Variants in TP63 observed in about 807,000 individuals in gnomAD.
The protein encoded by TP63 is tumor protein 63.
TP63 carries 17 observed loss-of-function variants against 82.8 expected under a neutral mutation model. The observed-to-expected ratio is 0.21, with a 90% CI of 0.14 to 0.31. The LOEUF (loss-of-function observed/expected upper bound fraction) is 0.31. TP63 is among the 10% of genes least tolerant of loss of function. TP63 has a pLI of 1.00. For synonymous variants in TP63, 330 were observed against 321.7 expected (o/e 1.03, Z -0.28); for missense variants, 648 against 895.3 (o/e 0.72, Z 3.52).
At chr3:189,715,637 C>A (rs1718906331) in intron 1 of TP63, among the ~76,000 whole-genome samples, 1 of 152,104 alleles carries the variant, frequency 6.6e-6, no homozygotes, top group African/African-American at 2.4e-5. Flanking sequence ...TGGGACATAG[C>A]CACCATGGTA....
At chr3:189,681,681 C>T (rs1456833772) in intron 1 of TP63, among the ~76,000 whole-genome samples, 1 of 152,142 alleles carries the variant, frequency 6.6e-6, no homozygotes, top group African/African-American at 2.4e-5. Context: ...TTCTCTTCTT[C>T]CTCCTCCTCC....
chr3:189,835,354 C>A (rs998962547), intron 4 of TP63, among the ~76,000 whole-genome samples: 1 of 152,172 alleles, frequency 6.6e-6, no homozygotes, highest in Non-Finnish European at 1.5e-5. Context: ...AATTTCCTCT[C>A]TTTGGTTCTC....
At chr3:189,828,063 A>G (rs1288704801) in intron 4 of TP63, among the ~76,000 whole-genome samples, 4 of 152,128 alleles carry the variant, frequency 2.6e-5, no homozygotes, top group Non-Finnish European at 4.4e-5. Flanking sequence ...TGATATGATG[A>G]AACCCTTTCT....
intron 3 of TP63, among the ~76,000 whole-genome samples, chr3:189,750,334 G>A (rs1721713862): frequency 6.6e-6 from 1 of 152,044 alleles, no homozygotes; most frequent in Non-Finnish European, 1.5e-5. Flanking sequence ...GTTGGAAAGG[G>A]GTGATGAAAA....
rs148602724 is a variant in TP63 at position 189,855,748 on chromosome 3, C to T, written c.580-8484C>T. ...TATGTGTGTGTGTATGCACAGAAAA[C>T]GGTCAACAATGTTAATAATGGTATG... On this transcript the variant is annotated intron_variant, in intron 4 of 13. Coordinates refer to ENST00000264731, the MANE Select transcript of TP63 (RefSeq NM_003722.5). Among the ~76,000 whole-genome samples the T allele has an allele frequency of 1.1e-4, 16 of 151,878 alleles. No homozygotes were observed. The East Asian group carries it at 1.5e-3, about 15-fold the overall frequency.
chr3:189,749,383 G>A (rs937265472), intron 3 of TP63, among the ~76,000 whole-genome samples: 1 of 151,914 alleles, frequency 6.6e-6, no homozygotes, highest in Non-Finnish European at 1.5e-5. Context: ...GACATCAAAA[G>A]ATATGAAAAG....
the TP63 span, among the ~76,000 whole-genome samples, chr3:189,623,908 A>C: frequency 6.6e-6 from 1 of 152,214 alleles, no homozygotes; most frequent in Admixed American, 6.5e-5. Context: ...AACAACAGTC[A>C]AAGCTATTAT....
At chr3:189,715,647 A>G (rs892362071) in intron 1 of TP63, among the ~76,000 whole-genome samples, 1 of 152,214 alleles carries the variant, frequency 6.6e-6, no homozygotes, top group Non-Finnish European at 1.5e-5. Flanking sequence ...CCACCATGGT[A>G]TGTAAATCTG....
chr3:189,654,102 A>C (rs1038224880), intron 1 of TP63, among the ~76,000 whole-genome samples: 1 of 152,190 alleles, frequency 6.6e-6, no homozygotes. Context: ...TTGTGAGACA[A>C]GTTTGTACTT....
chr3:189,645,992 CTTTTCCTT>C (rs1712395253), intron 1 of TP63, among the ~76,000 whole-genome samples: 1 of 147,000 alleles, frequency 6.8e-6, no homozygotes, highest in Admixed American at 6.7e-5. Context: ...ATAATGACTT[CTTTTCCTT>C]TGGGTAAGAA....
chr3:189,895,682 G>T lies in TP63; in HGVS notation c.*1180G>T, dbSNP rs1721414544. 1 of 228,050 alleles carries T rather than the reference G, an allele frequency of 4.4e-6. No homozygotes were observed. The highest frequency in any genetic ancestry group is 6.4e-5 in the East Asian group (1 of 15,698). 14.1% of individuals were successfully genotyped at this position (228,050 alleles called of 1,614,324 possible). A position where few individuals can be genotyped will look rare whatever the true frequency, so the allele number is the denominator to read the frequency against. On this transcript the variant is annotated 3_prime_UTR_variant, in exon 14 of 14. Coordinates refer to ENST00000264731, the MANE Select transcript of TP63 (RefSeq NM_003722.5). ...AATCTTTTGAAGCATAGATAATATT[G>T]TTTGGTAAATGTTTCTTTTGTTTGG...
chr3:189,734,019 C>T (rs1720363253), intron 1 of TP63, among the ~76,000 whole-genome samples: 1 of 151,806 alleles, frequency 6.6e-6, no homozygotes, highest in African/African-American at 2.4e-5. Flanking sequence ...ACATAGTTTT[C>T]TTCCTTTCTT....
chr3:189,800,188 T>C (rs951280490), intron 3 of TP63, among the ~76,000 whole-genome samples: 5 of 152,134 alleles, frequency 3.3e-5, no homozygotes, highest in Admixed American at 6.6e-5. Context: ...ACAGCTGGCA[T>C]GTGCAAAAGA....
rs779128548 is a variant in TP63 at position 189,808,371 on chromosome 3, A to T, written c.424A>T (p.Ser142Cys). The T allele has an allele frequency of 6.2e-7, 1 of 1,614,138 alleles. No individual in the cohort carries two copies. Among genetic ancestry groups the T allele is most frequent in the South Asian group, 1.1e-5 (1 of 91,076 alleles). Reference sequence around the variant, plus strand: ...CTATAACACAGACCACGCGCAGAACAGCGTCACGGCGCCCTCGCCCTACGC... The same window carrying T: ...CTATAACACAGACCACGCGCAGAACTGCGTCACGGCGCCCTCGCCCTACGC... ...SPYNTDHAQN[S>C]VTAPSPYAQP... The change falls in exon 4 of 14, where the codon AGC (serine) becomes TGC (cysteine). Residue 142 changes from serine (S) to cysteine (C), a missense_variant. Physicochemically the swap from Ser to Cys is moderately radical, Grantham distance 112. Around this residue, in one of 5 missense-constraint regions of TP63, gnomAD observed 182 missense variants for 213.6 expected, o/e 0.85. Coordinates refer to ENST00000264731, the MANE Select transcript of TP63 (RefSeq NM_003722.5).
At chr3:189,765,433 C>CTTTTTTTTTGTTTTTTTTTTTTTTTTT (rs1722874549) in intron 3 of TP63, among the ~76,000 whole-genome samples, 2 of 30,088 alleles carry the variant, frequency 6.6e-5, no homozygotes, top group African/African-American at 1.2e-4. Flanking sequence ...CTGTCCTCTG[C>CTTTTTTTTTGTTTTTTTTTTTTTTTTT]TTTTTTTTTT....
At chr3:189,621,747 A>G in the TP63 span, among the ~76,000 whole-genome samples, 1 of 152,154 alleles carries the variant, frequency 6.6e-6, no homozygotes, top group African/African-American at 2.4e-5. Context: ...TGTTGCAATT[A>G]TTATAACAAT....
At chr3:189,598,061 A>C in the TP63 span, among the ~76,000 whole-genome samples, 3 of 152,228 alleles carry the variant, frequency 2.0e-5, no homozygotes. Context: ...TGAACTTATA[A>C]ATTCAATACA....
At chr3:189,846,248 A>G (rs899707090) in intron 4 of TP63, among the ~76,000 whole-genome samples, 3 of 152,144 alleles carry the variant, frequency 2.0e-5, no homozygotes, top group African/African-American at 7.2e-5. Flanking sequence ...ACCCCTCGAT[A>G]TTCCAAACTT....
intron 1 of TP63, among the ~76,000 whole-genome samples, chr3:189,688,784 A>G (rs1346359076): frequency 6.6e-6 from 1 of 152,160 alleles, no homozygotes; most frequent in Non-Finnish European, 1.5e-5. Flanking sequence ...TCCTGGCAGG[A>G]TTTTTGTTTA....
Sources: gnomAD v4.1 joint callset for allele counts (sites outside exome capture counted in the v4.1 genomes callset) on GRCh38, gnomAD v4.1.1 for gene constraint, gnomAD v4.1.1 regional missense constraint, MANE v1.5 for transcripts, NCBI Gene and HGNC (gene_info 2026-07-23, HGNC 2026-07-21) for gene names.